The following PRKCI variants were observed in gnomAD, a reference collection of about 807,000 sequenced individuals.
PRKCI encodes the protein protein kinase C iota type.
PRKCI carries 43 observed loss-of-function variants against 84.0 expected under a neutral mutation model. That is an observed-to-expected ratio of 0.51 (90% confidence interval 0.40 to 0.66). The LOEUF (loss-of-function observed/expected upper bound fraction) is 0.66, where lower values mean the gene tolerates loss of function less well. PRKCI is among the 30% of genes least tolerant of loss of function. The probability of loss-of-function intolerance (pLI) is 0.00; values close to 1 mark genes in which losing one functional copy is unlikely to be tolerated. For missense variants in PRKCI, 459 were observed against 745.6 expected, an observed-to-expected ratio of 0.62 and a Z score of 4.48; for synonymous variants, 216 against 234.4, an observed-to-expected ratio of 0.92 and a Z score of 0.72.
intron 14 of PRKCI, among the ~76,000 whole-genome samples, 179 bp downstream of exon 14, chr3:170,293,687 CTT>C (rs899940551): frequency 6.6e-6 from 1 of 152,134 alleles, no homozygotes; most frequent in Non-Finnish European, 1.5e-5. Flanking sequence ...AGGTCTCACT[CTT>C]TTGCCCAGGC....
intron 10 of PRKCI, 87 bp downstream of exon 10, chr3:170,281,350 A>G: frequency 9.6e-7 from 1 of 1,036,898 alleles, no homozygotes; most frequent in Non-Finnish European, 1.5e-6. Context: ...CTAATTCATG[A>G]AGTTGATATC....
intron 5 of PRKCI, among the ~76,000 whole-genome samples, chr3:170,268,308 T>A (rs1446755692): frequency 1.3e-5 from 2 of 152,022 alleles, no homozygotes; most frequent in Non-Finnish European, 2.9e-5. Context: ...GGCAAAACCT[T>A]ATCTCTATTA....
intron 16 of PRKCI, among the ~76,000 whole-genome samples, chr3:170,297,958 C>T (rs767250156): frequency 6.6e-6 from 1 of 151,908 alleles, no homozygotes; most frequent in East Asian, 1.9e-4. Flanking sequence ...TCACTGCAAC[C>T]TCCACCTCCT....
chr3:170,282,065 A>G (rs962011999), intron 11 of PRKCI, 97 bp downstream of exon 11: 15 of 1,248,680 alleles, frequency 1.2e-5, no homozygotes, highest in African/African-American at 1.5e-5. Flanking sequence ...ATTTATTTTG[A>G]TACTAGTTAA....
intron 2 of PRKCI, among the ~76,000 whole-genome samples, chr3:170,238,249 G>C (rs1276159841): frequency 1.3e-5 from 2 of 151,246 alleles, no homozygotes; most frequent in Non-Finnish European, 2.9e-5. Context: ...TGTAATCCCA[G>C]CTACTAGAGA....
chr3:170,233,819 C>G (rs1235331432), intron 1 of PRKCI, among the ~76,000 whole-genome samples: 2 of 151,830 alleles, frequency 1.3e-5, no homozygotes. Flanking sequence ...CTCCTGGGTT[C>G]AAGCGGTTAT....
intron 12 of PRKCI, among the ~76,000 whole-genome samples, chr3:170,289,669 T>C (rs1734489598): frequency 6.6e-6 from 1 of 152,038 alleles, no homozygotes; most frequent in African/African-American, 2.4e-5. Flanking sequence ...TCCCAGCACT[T>C]TGGGAGGCCG....
At chr3:170,243,288 T>C (rs772312134) in intron 2 of PRKCI, among the ~76,000 whole-genome samples, 1 of 152,218 alleles carries the variant, frequency 6.6e-6, no homozygotes, top group Non-Finnish European at 1.5e-5. Flanking sequence ...TTTTTTAGAA[T>C]TTTATATGGA....
intron 12 of PRKCI, among the ~76,000 whole-genome samples, chr3:170,286,086 G>A (rs886953192): frequency 1.1e-4 from 17 of 151,518 alleles, no homozygotes; most frequent in Non-Finnish European, 1.8e-4. Context: ...CACCATGCCC[G>A]GCTAATTTTT....
At chr3:170,271,302 T>A (rs1734000258) in intron 6 of PRKCI, among the ~76,000 whole-genome samples, 1 of 152,196 alleles carries the variant, frequency 6.6e-6, no homozygotes, top group Admixed American at 6.5e-5. Flanking sequence ...GTTTCATCTG[T>A]ACCCCCATTC....
In PRKCI at chr3:170,235,566, C is replaced by CTTTTTTTTTTTT. The variant is rs199938459; in HGVS notation, c.223+221_223+232dup. On this transcript the variant is annotated intron_variant, in intron 2 of 17. Transcript: ENST00000295797. ...CCAAAATGATGTGAAATTAACTTGA[C>CTTTTTTTTTTTT]TTTTTTTTTTTTTTTTTGAGACGGA... Among the ~76,000 whole-genome samples, 467 of 136,154 alleles carry CTTTTTTTTTTTT rather than the reference C, an allele frequency of 3.4e-3. 3 individuals are homozygous for CTTTTTTTTTTTT. Among genetic ancestry groups the CTTTTTTTTTTTT allele is most frequent in the Non-Finnish European group, 4.9e-3 (304 of 62,678 alleles). 89.3% of individuals were successfully genotyped at this position (136,154 alleles called of 152,430 possible). A position where few individuals can be genotyped will look rare whatever the true frequency, so the allele number is the denominator to read the frequency against.
intron 3 of PRKCI, among the ~76,000 whole-genome samples, 179 bp from the exon 4 acceptor site, chr3:170,263,200 C>T (rs980784611): frequency 1.3e-5 from 2 of 151,672 alleles, no homozygotes; most frequent in Non-Finnish European, 1.5e-5. Context: ...TTTATATGGC[C>T]TTGGTAAAAT....
At chr3:170,298,038 A>C (rs1734727923) in intron 16 of PRKCI, among the ~76,000 whole-genome samples, 1 of 151,052 alleles carries the variant, frequency 6.6e-6, no homozygotes, top group Admixed American at 6.6e-5. Flanking sequence ...ACGCCCAGCT[A>C]ATTTTTGTAT....
intron 7 of PRKCI, 130 bp from the exon 8 acceptor site, chr3:170,275,099 A>G (rs979705654): frequency 8.8e-6 from 10 of 1,137,362 alleles, no homozygotes; most frequent in Non-Finnish European, 1.2e-5. Flanking sequence ...AATAATGAAA[A>G]TTTATTCAGA....
Position 170,299,041 on chromosome 3 carries a change from G to A in PRKCI, c.1634G>A (p.Gly545Glu). 1 of 1,613,338 alleles carries A rather than the reference G, an allele frequency of 6.2e-7. No individual in the cohort carries two copies. Among genetic ancestry groups the A allele is most frequent in the Non-Finnish European group, 8.5e-7 (1 of 1,179,754 alleles). ...VVPPFKPNIS[G>E]EFGLDNFDSQ... ...CCTCCCTTTAAACCAAATATTTCTG[G>A]GGAATTTGGTTTGGACAACTTTGAT... The change falls in exon 17 of 18, where the codon GGG becomes GAG. Residue 545 changes from glycine to glutamate, a missense_variant. By Grantham distance (98) the Gly-to-Glu change is moderately conservative. Around this residue, in one of 2 missense-constraint regions of PRKCI, gnomAD observed 209 missense variants for 425.9 expected, o/e 0.49. Coordinates refer to ENST00000295797, the MANE Select transcript of PRKCI (RefSeq NM_002740.6).
At chr3:170,262,832 C>A (rs372882324) in intron 3 of PRKCI, among the ~76,000 whole-genome samples, 2 of 133,024 alleles carry the variant, frequency 1.5e-5, no homozygotes, top group Non-Finnish European at 1.6e-5. Flanking sequence ...TTCTTTCTTT[C>A]TTTTTTTTTT....
At chr3:170,223,137 T>C (rs887331613) in intron 1 of PRKCI, among the ~76,000 whole-genome samples, 2 of 152,114 alleles carry the variant, frequency 1.3e-5, no homozygotes, top group East Asian at 1.9e-4. Context: ...GGATTCCAAG[T>C]GATGCCTTAG....
At chr3:170,249,293 G>C (rs973547314) in intron 2 of PRKCI, among the ~76,000 whole-genome samples, 4 of 152,022 alleles carry the variant, frequency 2.6e-5, no homozygotes, top group African/African-American at 9.7e-5. Flanking sequence ...ATCAGCCAGC[G>C]AGTCTAGGGA....
intron 1 of PRKCI, among the ~76,000 whole-genome samples, chr3:170,226,051 T>A (rs1732620369): frequency 6.6e-6 from 1 of 152,062 alleles, no homozygotes; most frequent in South Asian, 2.1e-4. Flanking sequence ...TAGGTGGGAC[T>A]ACAGGCGCCC....
Sources: gnomAD v4.1 joint callset for allele counts (sites outside exome capture counted in the v4.1 genomes callset) on GRCh38, gnomAD v4.1.1 for gene constraint, gnomAD v4.1.1 regional missense constraint, MANE v1.5 for transcripts, NCBI Gene and HGNC (gene_info 2026-07-23, HGNC 2026-07-21) for gene names.